Variants in EDIL3 observed in about 807,000 individuals in gnomAD.
EDIL3 encodes the protein EGF like and discoidin domains 3.
EDIL3 carries 37 observed loss-of-function variants against 67.4 expected under a neutral mutation model. The observed-to-expected ratio is 0.55, with a 90% CI of 0.42 to 0.72. The LOEUF is 0.72. Among genes scored for constraint, EDIL3 ranks in the 30% least tolerant of loss-of-function variants. The pLI is 0.00. For missense variants in EDIL3, 527 were observed against 586.3 expected (o/e 0.90, Z 1.04); for synonymous variants, 195 against 196.3 (o/e 0.99, Z 0.05).
At chr5:84,340,696 C>T (rs2112177050) in intron 1 of EDIL3, among the ~76,000 whole-genome samples, 1 of 151,454 alleles carries the variant, frequency 6.6e-6, no homozygotes, top group South Asian at 2.1e-4. Context: ...TCCCTCACAC[C>T]TGCACATACT....
chr5:83,995,876 T>G (rs890683507), intron 9 of EDIL3, among the ~76,000 whole-genome samples: 2 of 152,210 alleles, frequency 1.3e-5, no homozygotes, highest in Admixed American at 1.3e-4. Context: ...ACAGACATAT[T>G]TTTTATCTAT....
chr5:84,253,102 T>G (rs1320295877), intron 2 of EDIL3, among the ~76,000 whole-genome samples: 1 of 152,184 alleles, frequency 6.6e-6, no homozygotes, highest in Non-Finnish European at 1.5e-5. Context: ...AGTTACTGGA[T>G]TTTTACTATG....
At chr5:84,148,024 ATTATC>A (rs1748319129) in intron 4 of EDIL3, among the ~76,000 whole-genome samples, 1 of 152,114 alleles carries the variant, frequency 6.6e-6, no homozygotes, top group Non-Finnish European at 1.5e-5. Context: ...AGATTTCTAA[ATTATC>A]TTATACTTCT....
chr5:84,349,143 A>C (rs983334788), intron 1 of EDIL3, among the ~76,000 whole-genome samples: 17 of 152,128 alleles, frequency 1.1e-4, no homozygotes, highest in African/African-American at 4.1e-4. Flanking sequence ...ATTTATAAAC[A>C]TGTCTTGCTA....
intron 3 of EDIL3, 86 bp downstream of exon 3, chr5:84,229,769 G>A: frequency 7.1e-7 from 1 of 1,406,090 alleles, no homozygotes; most frequent in East Asian, 2.3e-5. Flanking sequence ...GTTGAAATCT[G>A]AAAAAATATT....
At chr5:84,075,915 C>CACAG (rs1412886075) in intron 6 of EDIL3, among the ~76,000 whole-genome samples, 2 of 147,934 alleles carry the variant, frequency 1.4e-5, no homozygotes, top group African/African-American at 5.0e-5. Flanking sequence ...CACACACACA[C>CACAG]ACAGACACAC....
intron 9 of EDIL3, chr5:84,048,162 A>T (rs1461114542): frequency 2.6e-6 from 1 of 381,080 alleles, no homozygotes; most frequent in Non-Finnish European, 5.1e-6. Context: ...AACCTTCATA[A>T]ATGAGAAATA....
chr5:84,378,053 C>CT (rs1748002724), intron 1 of EDIL3, among the ~76,000 whole-genome samples: 1 of 152,120 alleles, frequency 6.6e-6, no homozygotes, highest in African/African-American at 2.4e-5. Context: ...AGGTCTACTT[C>CT]TTTTTTACAA....
At chr5:84,006,558 C>T (rs1452953660) in intron 9 of EDIL3, among the ~76,000 whole-genome samples, 1 of 151,966 alleles carries the variant, frequency 6.6e-6, no homozygotes, top group Non-Finnish European at 1.5e-5. Context: ...ACAATAGATA[C>T]CAGGGCCTAC....
At chr5:84,186,762 A>G (rs1743463853) in intron 3 of EDIL3, among the ~76,000 whole-genome samples, 1 of 151,980 alleles carries the variant, frequency 6.6e-6, no homozygotes, top group Admixed American at 6.6e-5. Flanking sequence ...TATCACTCTC[A>G]CACAGCTTTG....
At chr5:84,120,307 A>G (rs916473272) in intron 5 of EDIL3, among the ~76,000 whole-genome samples, 3 of 151,956 alleles carry the variant, frequency 2.0e-5, no homozygotes, top group Non-Finnish European at 4.4e-5. Context: ...TAAAATCTCT[A>G]AAGAGCTGAG....
At chr5:84,369,425 G>T (rs1372513863) in intron 1 of EDIL3, among the ~76,000 whole-genome samples, 3 of 151,864 alleles carry the variant, frequency 2.0e-5, no homozygotes, top group Non-Finnish European at 4.4e-5. Context: ...ACATTCTAAC[G>T]TATGCTACAA....
intron 1 of EDIL3, among the ~76,000 whole-genome samples, chr5:84,304,446 A>G (rs1746224813): frequency 6.6e-6 from 1 of 152,200 alleles, no homozygotes; most frequent in African/African-American, 2.4e-5. Flanking sequence ...ACGGACCACA[A>G]AATGGTGAAT....
At chr5:84,291,026 A>T (rs1390531500) in intron 1 of EDIL3, among the ~76,000 whole-genome samples, 1 of 152,184 alleles carries the variant, frequency 6.6e-6, no homozygotes, top group African/African-American at 2.4e-5. Flanking sequence ...TGGTCACATT[A>T]TAATCTCCTT....
chr5:84,289,182 G>C (rs1745867622), intron 1 of EDIL3, among the ~76,000 whole-genome samples: 1 of 152,168 alleles, frequency 6.6e-6, no homozygotes, highest in Admixed American at 6.6e-5. Context: ...AGTAGAGTAA[G>C]TCTACAATGT....
At chr5:84,148,079 T>C (rs183459891) in intron 4 of EDIL3, among the ~76,000 whole-genome samples, 34 of 152,324 alleles carry the variant, frequency 2.2e-4, no homozygotes, top group Admixed American at 1.6e-3. Context: ...CTAAAGCTAC[T>C]GTAAGGATTC....
intron 9 of EDIL3, among the ~76,000 whole-genome samples, chr5:84,050,921 T>G (rs1746324633): frequency 6.6e-6 from 1 of 152,148 alleles, no homozygotes; most frequent in African/African-American, 2.4e-5. Flanking sequence ...AGTAGAAACC[T>G]CTGCAGACCT....
chr5:84,221,642 AGT>A (rs1321630734), intron 3 of EDIL3, among the ~76,000 whole-genome samples: 1 of 152,046 alleles, frequency 6.6e-6, no homozygotes, highest in African/African-American at 2.4e-5. Context: ...CTTTAGAAGC[AGT>A]GATTGTTTTT....
chr5:84,185,308 GA>G (rs1182945762), intron 3 of EDIL3, among the ~76,000 whole-genome samples: 2 of 152,014 alleles, frequency 1.3e-5, no homozygotes, highest in African/African-American at 2.4e-5. Context: ...CTCCAAAATG[GA>G]AACATTTCAG....
Sources: gnomAD v4.1 joint callset for allele counts (sites outside exome capture counted in the v4.1 genomes callset) on GRCh38, gnomAD v4.1.1 for gene constraint, MANE v1.5 for transcripts, NCBI Gene and HGNC (gene_info 2026-07-23, HGNC 2026-07-21) for gene names.